TNXB: variants seen among roughly 807,000 people sequenced by gnomAD.
The protein encoded by TNXB is tenascin-X.
In TNXB, 183 loss-of-function variants were observed where a neutral mutation model predicts 340.5. The observed-to-expected ratio is 0.54, with a 90% CI of 0.48 to 0.61. The LOEUF is 0.61. TNXB is among the 20% of genes least tolerant of loss of function. The probability of loss-of-function intolerance (pLI) is 0.00; values close to 1 mark genes in which losing one functional copy is unlikely to be tolerated. For missense variants in TNXB, 4,613 were observed against 5,446.4 expected, an observed-to-expected ratio of 0.85 and a Z score of 4.82; for synonymous variants, 2,121 against 2,314.5, an observed-to-expected ratio of 0.92 and a Z score of 2.40.
chr6:32,103,345 G>A (rs1034115844), intron 1 of TNXB, among the ~76,000 whole-genome samples: 18 of 151,074 alleles, frequency 1.2e-4, no homozygotes, highest in Non-Finnish European at 2.5e-4. Flanking sequence ...CGGGAGAATC[G>A]CTTGAACCTG....
rs1779984058 is a variant in TNXB at position 32,089,498 on chromosome 6, G to A, written c.2359-119C>T. ...GTCAGCATGGTACTGTGTGGAACTT[G>A]ACCCTGTACAAGCTGGGGAGCAAAC... is the stretch of plus-strand genomic sequence containing the variant. On this transcript the variant is annotated intron_variant, in intron 4 of 43. Transcript: ENST00000644971. This position sits in a 1 kb window ranked among gnomAD's most constrained non-coding sequence, Gnocchi z 6.2. 1 of 1,321,246 alleles carries A rather than the reference G, an allele frequency of 7.6e-7. No homozygotes were observed. The highest frequency in any genetic ancestry group is 1.5e-5 in the African/African-American group (1 of 68,390). 81.8% of individuals were successfully genotyped at this position (1,321,246 alleles called of 1,614,324 possible). A position where few individuals can be genotyped will look rare whatever the true frequency, so the allele number is the denominator to read the frequency against.
In TNXB at chr6:32,046,197, C is replaced by T. The variant is rs998108978; in HGVS notation, c.10584G>A (p.Pro3528=). 7.6e-6 allele frequency: 12 copies of T among 1,588,108 alleles called. No individual in the cohort carries two copies. Among genetic ancestry groups the T allele is most frequent in the African/African-American group, 2.7e-5 (2 of 74,588 alleles). ...YGLLGGKRLG[P]VSALGMTAPE... is the part of the protein sequence containing the mutation. ...CACCTGTCATTCCCAGGGCAGAGAC[C>T]GGGCCCAGGCGCTTTCCCCCAAGGA... Residue 3528 remains proline (P), a synonymous_variant, in exon 31 of 44, where the codon CCG becomes CCA. Transcript: ENST00000644971. The surrounding 1 kb of genome is among the most constrained non-coding windows in gnomAD (Gnocchi z 6.9).
At position 32,072,692 on chromosome 6, in the gene TNXB, G is replaced by T. The variant is rs1013859078; in HGVS notation, c.4682-394C>A. Among the ~76,000 whole-genome samples the T allele has an allele frequency of 6.6e-6, 1 of 152,194 alleles. No individual in the cohort carries two copies. Among genetic ancestry groups the T allele is most frequent in the Non-Finnish European group, 1.5e-5 (1 of 68,040 alleles). Reference sequence around the variant, plus strand: ...GGATTTTTAAGAAATATTTTGGGCCGGGTGCAGTGGCTCATGCCAGGCCGA... The same window carrying T: ...GGATTTTTAAGAAATATTTTGGGCCTGGTGCAGTGGCTCATGCCAGGCCGA... On this transcript the variant is annotated intron_variant, in intron 12 of 43. Transcript: ENST00000644971. This position sits in a 1 kb window ranked among gnomAD's most constrained non-coding sequence, Gnocchi z 4.4.
At chr6:32,060,820 G>T (rs573448584) in intron 21 of TNXB, among the ~76,000 whole-genome samples, 2 of 152,056 alleles carry the variant, frequency 1.3e-5, no homozygotes, top group East Asian at 3.9e-4. Context: ...TGTATTTTTA[G>T]TAGAGATGGG....
chr6:32,048,291 A>G, intron 29 of TNXB, 72 bp downstream of exon 29: 36 of 1,431,214 alleles, frequency 2.5e-5, no homozygotes, highest in Non-Finnish European at 3.3e-5. Context: ...TGGGGCACAG[A>G]ACGTGAAATT....
rs890412799 is a variant in TNXB at position 32,049,477 on chromosome 6, G to A, written c.9550C>T (p.Leu3184Phe). The A allele has an allele frequency of 6.2e-7, 1 of 1,612,684 alleles. No homozygotes were observed. Among genetic ancestry groups the A allele is most frequent in the East Asian group, 2.2e-5 (1 of 44,876 alleles). ...CGGCCCTGGGGGACGGTCCAGGAGA[G>A]GCTCAGCGAGTCAGGGGAGGATCCT... Reference protein sequence around the residue: ...VTGSSPDSLSLSWTVPQGRFD... With the variant: ...VTGSSPDSLSFSWTVPQGRFD... The change falls in exon 28 of 44, where the codon CTC becomes TTC. Residue 3184 changes from leucine (L) to phenylalanine (F), a missense_variant. By Grantham distance (22) the Leu-to-Phe change is conservative. This residue lies in a region of TNXB where 4,327 missense variants were observed against 4,859.4 expected (regional missense o/e 0.89). Transcript: ENST00000644971. The surrounding 1 kb of genome is among the most constrained non-coding windows in gnomAD (Gnocchi z 4.5).
In TNXB at chr6:32,056,665, T is replaced by G. The variant is rs773702073; in HGVS notation, c.8064A>C (p.Pro2688=). ...ACAGGTTCATCTTGTATTTATGGTC[T>G]GGCTCCAGGCCTGAGATGGTGACCC... ...EDGVTISGLE[P]DHKYKMNLYG... Residue 2688 remains proline, a synonymous_variant, in exon 23 of 44, where the codon CCA becomes CCC. Coordinates refer to ENST00000644971, the MANE Select transcript of TNXB (RefSeq NM_001365276.2). 1 of 1,613,020 alleles carries G rather than the reference T, an allele frequency of 6.2e-7. No individual in the cohort carries two copies. Among genetic ancestry groups the G allele is most frequent in the African/African-American group, 1.3e-5 (1 of 74,940 alleles).
At position 32,049,718 on chromosome 6, in the gene TNXB, G is replaced by T; in HGVS notation, c.9440-131C>A. 8.2e-7 allele frequency: 1 copy of T among 1,221,930 alleles called. No homozygotes were observed. The highest frequency in any genetic ancestry group is 1.5e-5 in the African/African-American group (1 of 65,992). 75.7% of individuals were successfully genotyped at this position (1,221,930 alleles called of 1,614,324 possible). A position where few individuals can be genotyped will look rare whatever the true frequency, so the allele number is the denominator to read the frequency against. ...AGAAGTCCATTCTTGGGGCTGGGTG[G>T]TCCTGCTCAGCTGACAGCTAACACA... On this transcript the variant is annotated intron_variant, in intron 27 of 43. Coordinates refer to ENST00000644971, the MANE Select transcript of TNXB (RefSeq NM_001365276.2). The surrounding 1 kb of genome is among the most constrained non-coding windows in gnomAD (Gnocchi z 4.5).
At position 32,070,341 on chromosome 6, in the gene TNXB, G is replaced by A. The variant is rs1158349501; in HGVS notation, c.5064C>T (p.Asp1688=). 3 of 1,609,750 alleles carry A rather than the reference G, an allele frequency of 1.9e-6. No homozygotes were observed. The highest frequency in any genetic ancestry group is 1.7e-6 in the Non-Finnish European group (2 of 1,178,588). ...GELWVTDPTP[D]SLRLSWTVPE... ...GAACCGTCCAGGAGAGGCGCAGTGA[G>A]TCTGGGGTGGGGTCTGTCACCCACA... Residue 1688 remains aspartate (D), a synonymous_variant, in exon 14 of 44, where the codon GAC becomes GAT. Transcript: ENST00000644971. The surrounding 1 kb of genome is among the most constrained non-coding windows in gnomAD (Gnocchi z 6.0).
chr6:32,050,506 G>T (rs1777219360), intron 26 of TNXB, among the ~76,000 whole-genome samples, 185 bp from the exon 27 acceptor site: 1 of 145,160 alleles, frequency 6.9e-6, no homozygotes, highest in African/African-American at 2.6e-5. Context: ...CCTGCCCTCG[G>T]CCCCCACCTC....
chr6:32,095,964 C>T lies in TNXB; in HGVS notation c.1889G>A (p.Arg630His). 3.1e-6 allele frequency: 5 copies of T among 1,613,146 alleles called. No individual in the cohort carries two copies. Among genetic ancestry groups the T allele is most frequent in the Non-Finnish European group, 4.2e-6 (5 of 1,179,776 alleles). ...TCPSNCHGRG[R>H]CEEGRCLCDP... is the part of the protein sequence containing the mutation. The stretch of plus-strand genomic sequence containing the variant: ...GCACAGGCAGCGCCCTTCCTCACAG[C>T]GGCCCCTCCCGTGGCAGTTGGAGGG... Residue 630 changes from arginine (R) to histidine (H), a missense_variant, in exon 3 of 44, where the codon CGC (arginine) becomes CAC (histidine). This residue lies in a region of TNXB where 4,327 missense variants were observed against 4,859.4 expected (regional missense o/e 0.89). Coordinates refer to ENST00000644971, the MANE Select transcript of TNXB (RefSeq NM_001365276.2).
intron 29 of TNXB, 34 bp from the exon 30 acceptor site, chr6:32,048,046 A>T (rs1479922248): frequency 1.3e-6 from 2 of 1,587,086 alleles, no homozygotes; most frequent in Admixed American, 3.4e-5. Flanking sequence ...GGAGAGTGGG[A>T]TGGAGGCAAA....
intron 19 of TNXB, among the ~76,000 whole-genome samples, chr6:32,063,528 A>AT (rs1778156364): frequency 6.6e-6 from 1 of 152,172 alleles, no homozygotes; most frequent in Non-Finnish European, 1.5e-5. Flanking sequence ...ACCAACTTAG[A>AT]TTTTATAGCT....
At chr6:32,042,427 G>T (rs765610515) in intron 40 of TNXB, 28 bp downstream of exon 40, 1 of 1,609,084 alleles carries the variant, frequency 6.2e-7, no homozygotes, top group Non-Finnish European at 8.5e-7. Context: ...GCCCTGCACA[G>T]ACCCCTGGGC....
chr6:32,050,622 G>A (rs1777230634), intron 26 of TNXB, among the ~76,000 whole-genome samples: 1 of 151,602 alleles, frequency 6.6e-6, no homozygotes, highest in Admixed American at 6.6e-5. Flanking sequence ...TCCCTGCACT[G>A]GGGTCTCCTC....
chr6:32,070,161 C>T lies in TNXB; in HGVS notation c.5244G>A (p.Lys1748=), dbSNP rs772182693. Reference sequence around the variant, plus strand: ...CGTCGGCAGTGAGAGGGCCATGGCGCTTCTTGCCCAGGAGGCCATAGAGGA... The same window carrying T: ...CGTCGGCAGTGAGAGGGCCATGGCGTTTCTTGCCCAGGAGGCCATAGAGGA... ...RFLLYGLLGK[K]RHGPLTADGT... Residue 1748 remains lysine, a synonymous_variant, in exon 14 of 44, where the codon AAG becomes AAA. Coordinates refer to ENST00000644971, the MANE Select transcript of TNXB (RefSeq NM_001365276.2). The surrounding 1 kb of genome is among the most constrained non-coding windows in gnomAD (Gnocchi z 6.0). 1.3e-5 allele frequency: 21 copies of T among 1,597,968 alleles called. No homozygotes were observed. Among genetic ancestry groups the T allele is most frequent in the Middle Eastern group, 1.7e-4 (1 of 6,002 alleles).
Position 32,087,458 on chromosome 6 carries a change from C to G in TNXB, c.2779+1327G>C, listed in dbSNP as rs758775930. The G allele has an allele frequency of 4.1e-6, 2 of 487,476 alleles. No individual in the cohort carries two copies. The highest frequency in any genetic ancestry group is 2.1e-5 in the Admixed American group (1 of 46,806). The allele number at this position is 487,476 out of a possible 1,614,324, so 30.2% of individuals were successfully genotyped here. ...CGCTCGAACTGGCCGCGGAGCCCGT[C>G]GAGAGACACGAGAAGCGCGCCATCG... On this transcript the variant is annotated intron_variant, in intron 6 of 43. Transcript: ENST00000644971. This position sits in a 1 kb window ranked among gnomAD's most constrained non-coding sequence, Gnocchi z 9.0.
chr6:32,047,947 C>T lies in TNXB; in HGVS notation c.10111G>A (p.Val3371Met), dbSNP rs201155046. 1.1e-4 allele frequency: 180 copies of T among 1,612,244 alleles called. No individual in the cohort carries two copies. In the African/African-American group the frequency reaches 1.8e-3, roughly 16 times the overall value. ...LTVTDATPDSVGLSWTVPEGE... is the reference protein window; with the variant it reads ...LTVTDATPDSMGLSWTVPEGE... ...TCAGGGACCGTCCACGAGAGGCCCA[C>T]GGAGTCAGGGGTCGCATCTGTCACA... Residue 3371 changes from valine (V) to methionine (M), a missense_variant, in exon 30 of 44, where the codon GTG becomes ATG. This residue lies in a region of TNXB where 4,327 missense variants were observed against 4,859.4 expected (regional missense o/e 0.89). Transcript: ENST00000644971. The surrounding 1 kb of genome is among the most constrained non-coding windows in gnomAD (Gnocchi z 6.2).
chr6:32,094,357 A>G (rs763770844), intron 4 of TNXB, among the ~76,000 whole-genome samples: 1 of 151,818 alleles, frequency 6.6e-6, no homozygotes, highest in Non-Finnish European at 1.5e-5. Context: ...TTTCCCTGCT[A>G]ATCTGTATTT....
Sources: allele counts gnomAD v4.1 joint callset (sites outside exome capture counted in the v4.1 genomes callset), GRCh38; gene constraint gnomAD v4.1.1; regional missense constraint gnomAD v4.1.1; non-coding constraint Gnocchi (gnomAD v3.1); transcripts MANE v1.5; gene names NCBI Gene and HGNC (gene_info 2026-07-23, HGNC 2026-07-21).